UGGT1: variants seen among roughly 807,000 people sequenced by gnomAD.
UGGT1 encodes the protein UDP-glucose glycoprotein glucosyltransferase 1, also known as UDP-glucose:glycoprotein glucosyltransferase 1.
A neutral mutation model predicts 203.9 loss-of-function variants in UGGT1; 107 were observed. That is an observed-to-expected ratio of 0.52 (90% CI 0.45 to 0.62). The LOEUF (loss-of-function observed/expected upper bound fraction) is 0.62, where lower values mean the gene tolerates loss of function less well. Ranked by LOEUF, UGGT1 falls within the 20% of genes least tolerant of loss-of-function variation. The probability of loss-of-function intolerance (pLI) is 0.00; values close to 1 mark genes in which losing one functional copy is unlikely to be tolerated. For missense variants in UGGT1, 1,673 were observed against 1,867.2 expected, an observed-to-expected ratio of 0.90 and a Z score of 1.92; for synonymous variants, 628 against 653.5, an observed-to-expected ratio of 0.96 and a Z score of 0.59.
At chr2:128,156,316 CTT>C (rs1322882438) in intron 20 of UGGT1, 74 bp from the exon 21 acceptor site, 2 of 1,169,344 alleles carry the variant, frequency 1.7e-6, no homozygotes, top group African/African-American at 3.0e-5. Flanking sequence ...ATTGTTTAGA[CTT>C]TCAATTTTTA....
chr2:128,149,279 C>T (rs1689830805), intron 18 of UGGT1, among the ~76,000 whole-genome samples: 1 of 151,584 alleles, frequency 6.6e-6, no homozygotes, highest in Non-Finnish European at 1.5e-5. Context: ...TGGGCTCAAG[C>T]AATTTGTCTA....
intron 40 of UGGT1, among the ~76,000 whole-genome samples, chr2:128,188,502 A>G (rs1573642683): frequency 6.6e-6 from 1 of 152,220 alleles, no homozygotes; most frequent in Non-Finnish European, 1.5e-5. Context: ...TAAAATATTA[A>G]TAAGTTGGGC....
At chr2:128,174,460 G>A (rs1476737701) in intron 30 of UGGT1, among the ~76,000 whole-genome samples, 1 of 151,774 alleles carries the variant, frequency 6.6e-6, no homozygotes, top group Non-Finnish European at 1.5e-5. Flanking sequence ...CACCATGCCC[G>A]GCTAATTTTT....
At chr2:128,095,520 C>T (rs1005914462) in intron 1 of UGGT1, among the ~76,000 whole-genome samples, 2 of 150,888 alleles carry the variant, frequency 1.3e-5, no homozygotes, top group Non-Finnish European at 3.0e-5. Context: ...CTGTCCTGCT[C>T]TCCTCCTGTC....
chr2:128,177,430 G>T (rs1691454239), intron 32 of UGGT1, among the ~76,000 whole-genome samples: 1 of 152,256 alleles, frequency 6.6e-6, no homozygotes, highest in East Asian at 1.9e-4. Context: ...GTTTGTGCTA[G>T]TGAATCCTGA....
intron 22 of UGGT1, among the ~76,000 whole-genome samples, 174 bp from the exon 23 acceptor site, chr2:128,159,340 C>G (rs2104737201): frequency 6.6e-6 from 1 of 152,066 alleles, no homozygotes; most frequent in South Asian, 2.1e-4. Flanking sequence ...ATCTCGTGGT[C>G]CGCCCGCTTT....
chr2:128,180,851 G>C, intron 35 of UGGT1, 39 bp from the exon 36 acceptor site: 1 of 1,583,654 alleles, frequency 6.3e-7, no homozygotes, highest in Non-Finnish European at 8.6e-7. Context: ...TTCTTAATCA[G>C]AAGAAATGAT....
intron 11 of UGGT1, among the ~76,000 whole-genome samples, chr2:128,125,779 G>A (rs918774067): frequency 5.9e-5 from 9 of 151,792 alleles, no homozygotes; most frequent in African/African-American, 2.2e-4. Flanking sequence ...AACCTTATTG[G>A]GAGTTTTTAT....
At chr2:128,184,938 TC>T (rs1378598643) in intron 38 of UGGT1, among the ~76,000 whole-genome samples, 2 of 152,074 alleles carry the variant, frequency 1.3e-5, no homozygotes, top group African/African-American at 4.8e-5. Flanking sequence ...CGCTTTGGCC[TC>T]CCAAAGTGCC....
Position 128,134,892 on chromosome 2 carries a change from C to G in UGGT1, c.1514C>G (p.Pro505Arg). 1 of 1,613,804 alleles carries G rather than the reference C, an allele frequency of 6.2e-7. No homozygotes were observed. The highest frequency in any genetic ancestry group is 8.5e-7 in the Non-Finnish European group (1 of 1,179,930). ...NLHNMVFIVD[P>R]AHETTAELMN... ...CTTCAACAGGTTTTCATAGTTGATC[C>G]TGCACATGAGACCACAGCAGAGTTG... Residue 505 changes from proline (P) to arginine (R), a missense_variant, in exon 15 of 41, where the codon CCT (proline) becomes CGT (arginine). Physicochemically the swap from Pro to Arg is moderately radical, Grantham distance 103 (BLOSUM62 -2). Coordinates refer to ENST00000259253, the MANE Select transcript of UGGT1 (RefSeq NM_020120.4).
At chr2:128,127,279 A>G (rs1688649225) in intron 11 of UGGT1, 82 bp from the exon 12 acceptor site, 1 of 918,794 alleles carries the variant, frequency 1.1e-6, no homozygotes, top group Admixed American at 2.3e-5. Context: ...CAAGATTTGT[A>G]CAGGTAGTGA....
chr2:128,175,710 G>A (rs1050155819), intron 31 of UGGT1, among the ~76,000 whole-genome samples: 3 of 152,110 alleles, frequency 2.0e-5, no homozygotes, highest in East Asian at 1.9e-4. Context: ...ATGCACTTCC[G>A]AACTCCTTCC....
At chr2:128,186,834 C>T in intron 39 of UGGT1, 35 bp downstream of exon 39, 1 of 1,461,492 alleles carries the variant, frequency 6.8e-7, no homozygotes, top group Non-Finnish European at 9.5e-7. Context: ...GCATGTTCAT[C>T]CACTGGATGT....
intron 1 of UGGT1, among the ~76,000 whole-genome samples, chr2:128,092,273 C>A (rs1452005490): frequency 6.7e-6 from 1 of 150,326 alleles, no homozygotes; most frequent in Non-Finnish European, 1.5e-5. Flanking sequence ...TTTAGCAACA[C>A]TTGACTTGCT....
At chr2:128,175,488 A>G (rs998885406) in intron 31 of UGGT1, among the ~76,000 whole-genome samples, 2 of 152,220 alleles carry the variant, frequency 1.3e-5, no homozygotes, top group Non-Finnish European at 2.9e-5. Context: ...CAGGTTGTGT[A>G]GGGGATGATT....
Position 128,120,467 on chromosome 2 carries a change from CAG to C in UGGT1, c.973+12_973+13del, listed in dbSNP as rs1558767128. ...TTTGGCAGTTGCAAGGTAATGAAAA[CAG>C]GGAGAGGTCATTGGCCTACTTTTTG... On this transcript the variant is annotated intron_variant, in intron 9 of 40. Transcript: ENST00000259253. The C allele has an allele frequency of 6.2e-7, 1 of 1,606,362 alleles. No homozygotes were observed. The highest frequency in any genetic ancestry group is 1.1e-5 in the South Asian group (1 of 90,500).
At chr2:128,153,935 A>G (rs553076515) in intron 19 of UGGT1, among the ~76,000 whole-genome samples, 2 of 152,300 alleles carry the variant, frequency 1.3e-5, no homozygotes, top group East Asian at 3.9e-4. Flanking sequence ...ATAACCAGCT[A>G]TTTATTGTTA....
At chr2:128,118,617 G>T (rs1362687171) in intron 8 of UGGT1, among the ~76,000 whole-genome samples, 1 of 152,146 alleles carries the variant, frequency 6.6e-6, no homozygotes, top group Non-Finnish European at 1.5e-5. Context: ...TGGGTAGCAT[G>T]ATGATTTTAT....
chr2:128,129,019 T>A lies in UGGT1; in HGVS notation c.1227-10T>A, dbSNP rs1294632300. On this transcript the variant is annotated splice_polypyrimidine_tract_variant and intron_variant, in intron 12 of 40. Transcript: ENST00000259253. ...TCCTAGTAAATATCTCTTTTTGTTT[T>A]TCCCCCCAGTCTGTTTGATGTGTTG... is the stretch of plus-strand genomic sequence containing the variant. 5.2e-6 allele frequency: 8 copies of A among 1,546,860 alleles called. No homozygotes were observed. The highest frequency in any genetic ancestry group is 6.9e-6 in the Non-Finnish European group (8 of 1,152,382).
Sources: allele counts gnomAD v4.1 joint callset (sites outside exome capture counted in the v4.1 genomes callset), GRCh38; gene constraint gnomAD v4.1.1; transcripts MANE v1.5; gene names NCBI Gene and HGNC (gene_info 2026-07-23, HGNC 2026-07-21).